Variants in PHRF1 observed in about 807,000 individuals in gnomAD.
PHRF1 encodes PHD and ring finger domains 1, also known as PHD and RING finger domain-containing protein 1.
In PHRF1, 53 loss-of-function variants were observed where a neutral mutation model predicts 128.9. The observed-to-expected ratio is 0.41, with a 90% CI of 0.33 to 0.52. The LOEUF is 0.52. Among genes scored for constraint, PHRF1 ranks in the 20% least tolerant of loss-of-function variants. PHRF1 has a pLI of 0.21. For synonymous variants in PHRF1, 1,178 were observed against 980.6 expected (o/e 1.20, Z -3.76); for missense variants, 2,503 against 2,284.5 (o/e 1.10, Z -1.95).
chr11:591,045 A>G (rs1214498248), intron 4 of PHRF1, among the ~76,000 whole-genome samples: 6 of 152,306 alleles, frequency 3.9e-5, no homozygotes, highest in South Asian at 2.1e-4. Flanking sequence ...ATGTCCAACA[A>G]TCTTTTGGAA....
In PHRF1 at chr11:611,814, G is replaced by C. The variant is rs113064640; in HGVS notation, c.*37G>C. Reference sequence around the variant, plus strand: ...CACGGGCTATGCCCGGGGAGCTGTCGGGAGTGGCGGGAATCGGGGCCATGC... The same window carrying C: ...CACGGGCTATGCCCGGGGAGCTGTCCGGAGTGGCGGGAATCGGGGCCATGC... On this transcript the variant is annotated 3_prime_UTR_variant, in exon 18 of 18. Transcript: ENST00000264555. 525 of 1,554,982 alleles carry C rather than the reference G, an allele frequency of 3.4e-4. 5 individuals are homozygous for C. In the African/African-American group the frequency reaches 6.1e-3, roughly 18 times the overall value.
At position 607,225 on chromosome 11, in the gene PHRF1, G is replaced by T. The variant is rs759217986; in HGVS notation, c.1769G>T (p.Arg590Leu). The change falls in exon 14 of 18, where the codon CGC (arginine) becomes CTC (leucine). Residue 590 changes from arginine to leucine, a missense_variant. Transcript: ENST00000264555. The stretch of plus-strand genomic sequence containing the variant: ...GGGCTCAGCTGTCAAGGCAGGTCCC[G>T]CACCCCCGCCCGCACCGCGGGGGCG... ...STGLSCQGRS[R>L]TPARTAGAPV... 3.7e-6 allele frequency: 6 copies of T among 1,612,288 alleles called. No individual in the cohort carries two copies. The highest frequency in any genetic ancestry group is 5.1e-6 in the Non-Finnish European group (6 of 1,179,692).
rs763976002 is a variant in PHRF1 at position 607,881 on chromosome 11, A to G, written c.2425A>G (p.Arg809Gly). The change falls in exon 14 of 18, where the codon AGG becomes GGG. Residue 809 changes from arginine (R) to glycine (G), a missense_variant. Transcript: ENST00000264555. Reference sequence around the variant, plus strand: ...CCGGCCTGTGGACGATAAGGAGCAGAGGAAGGAGAACCCCTCACCCCTCTT... The same window carrying G: ...CCGGCCTGTGGACGATAAGGAGCAGGGGAAGGAGAACCCCTCACCCCTCTT... ...TFRPVDDKEQRKENPSPLFSI... is the reference protein window; with the variant it reads ...TFRPVDDKEQGKENPSPLFSI... 3.7e-6 allele frequency: 6 copies of G among 1,612,626 alleles called. No homozygotes were observed. The East Asian group carries it at 6.7e-5, about 18-fold the overall frequency.
At chr11:583,416 CTGAGGTTGGAGGATCGCT>C (rs1854339087) in intron 3 of PHRF1, among the ~76,000 whole-genome samples, 1 of 152,098 alleles carries the variant, frequency 6.6e-6, no homozygotes, top group South Asian at 2.1e-4. Context: ...ACTCAGGAGG[CTGAGGTTGGAGGATCGCT>C]TGAGCCCAAG....
intron 11 of PHRF1, 30 bp from the exon 12 acceptor site, chr11:605,575 G>C (rs370066088): frequency 6.2e-7 from 1 of 1,608,520 alleles, no homozygotes; most frequent in Admixed American, 1.7e-5. Context: ...GGAGTCACTT[G>C]TTCCCTTTGG....
At chr11:587,926 C>CT (rs1854678927) in intron 4 of PHRF1, among the ~76,000 whole-genome samples, 1 of 152,198 alleles carries the variant, frequency 6.6e-6, no homozygotes, top group Non-Finnish European at 1.5e-5. Context: ...TTACCGTAAA[C>CT]GTGCAGTGTA....
chr11:591,511 C>G (rs767884141), intron 5 of PHRF1, 44 bp downstream of exon 5: 2 of 1,505,968 alleles, frequency 1.3e-6, no homozygotes, highest in African/African-American at 1.4e-5. Context: ...GTGCTTCTAT[C>G]CCGGCCCTGT....
At chr11:581,273 G>A (rs920358390) in intron 1 of PHRF1, among the ~76,000 whole-genome samples, 24 of 152,158 alleles carry the variant, frequency 1.6e-4, no homozygotes, top group African/African-American at 4.6e-4. Context: ...CACCCTTCAC[G>A]TGCTGTGGCG....
At chr11:602,761 G>GTTTT (rs1374012486) in intron 10 of PHRF1, among the ~76,000 whole-genome samples, 2 of 137,124 alleles carry the variant, frequency 1.5e-5, no homozygotes, top group Non-Finnish European at 3.0e-5. Context: ...TTTTGTTTTT[G>GTTTT]TTTTTTTTGT....
rs538283730 is a variant in PHRF1, at chr11:606,149, C to T, written c.1455-293C>T. 1.1e-4 allele frequency among the ~76,000 whole-genome samples: 17 copies of T among 152,390 alleles called. No homozygotes were observed. The South Asian group carries it at 3.5e-3, about 32-fold the overall frequency. Reference sequence around the variant, plus strand: ...ACAGGTAAAGGTGCTTGTCTGCCCCCTCCCACCTGTTGGTGGAGTTGGGGG... The same window carrying T: ...ACAGGTAAAGGTGCTTGTCTGCCCCTTCCCACCTGTTGGTGGAGTTGGGGG... On this transcript the variant is annotated intron_variant, in intron 12 of 17. Transcript: ENST00000264555.
chr11:602,093 G>T (rs561000861), intron 10 of PHRF1, among the ~76,000 whole-genome samples: 1 of 152,094 alleles, frequency 6.6e-6, no homozygotes, highest in Non-Finnish European at 1.5e-5. Context: ...GCTCTGAGGA[G>T]TGACACAAGC....
intron 16 of PHRF1, 73 bp downstream of exon 16, chr11:610,834 T>C (rs1002403336): frequency 1.3e-6 from 2 of 1,584,568 alleles, no homozygotes; most frequent in Non-Finnish European, 1.7e-6. Flanking sequence ...GGGCTGAGTT[T>C]ATGGGCGGAA....
At chr11:579,518 C>T (rs1854089837) in intron 1 of PHRF1, among the ~76,000 whole-genome samples, 2 of 152,176 alleles carry the variant, frequency 1.3e-5, no homozygotes, top group African/African-American at 2.4e-5. Context: ...TGCTAGGTCT[C>T]AGTGCATGCT....
At chr11:589,567 A>G (rs1464769845) in intron 4 of PHRF1, among the ~76,000 whole-genome samples, 1 of 92,020 alleles carries the variant, frequency 1.1e-5, no homozygotes, top group Non-Finnish European at 2.6e-5. Context: ...AGAGGCCTGG[A>G]CACACTCGGG....
At chr11:579,824 T>C (rs1854104733) in intron 1 of PHRF1, among the ~76,000 whole-genome samples, 1 of 152,270 alleles carries the variant, frequency 6.6e-6, no homozygotes, top group Non-Finnish European at 1.5e-5. Flanking sequence ...CATTCTTCAC[T>C]GTTTTATAAG....
At chr11:596,197 G>A (rs1855265349) in intron 6 of PHRF1, among the ~76,000 whole-genome samples, 1 of 152,144 alleles carries the variant, frequency 6.6e-6, no homozygotes, top group African/African-American at 2.4e-5. Context: ...AGGGCTGTCT[G>A]GGGTCTTTGG....
At position 610,764 on chromosome 11, in the gene PHRF1, G is replaced by T; in HGVS notation, c.4677+3G>T. The T allele has an allele frequency of 6.2e-7, 1 of 1,600,374 alleles. No homozygotes were observed. The highest frequency in any genetic ancestry group is 8.5e-7 in the Non-Finnish European group (1 of 1,179,054). ...CGGAGAAAACCAAGAAGGAGGAGGT[G>T]AGTCCTGCCTCCTCCCACTTTCCCC... On this transcript the variant is annotated splice_donor_region_variant and intron_variant, in intron 16 of 17. Coordinates refer to ENST00000264555, the MANE Select transcript of PHRF1 (RefSeq NM_001286581.2).
intron 10 of PHRF1, among the ~76,000 whole-genome samples, chr11:602,882 C>T (rs1421237066): frequency 1.3e-5 from 2 of 151,594 alleles, no homozygotes; most frequent in Non-Finnish European, 2.9e-5. Context: ...CCTCCCTCAG[C>T]CTCCTGAGTC....
At chr11:605,008 C>T in intron 10 of PHRF1, 111 bp from the exon 11 acceptor site, 1 of 1,111,556 alleles carries the variant, frequency 9.0e-7, no homozygotes, top group Non-Finnish European at 1.3e-6. Flanking sequence ...TTAGTATTTT[C>T]CGGCTCTAGT....
Sources: gnomAD v4.1 joint callset for allele counts (sites outside exome capture counted in the v4.1 genomes callset) on GRCh38, gnomAD v4.1.1 for gene constraint, MANE v1.5 for transcripts, NCBI Gene and HGNC (gene_info 2026-07-23, HGNC 2026-07-21) for gene names.